Variants in MED24 observed in about 807,000 individuals in gnomAD.
MED24 encodes the protein mediator of RNA polymerase II transcription subunit 24.
A neutral mutation model predicts 118.8 loss-of-function variants in MED24; 74 were observed. The observed-to-expected ratio is 0.62, with a 90% CI of 0.52 to 0.76. MED24 has a LOEUF of 0.76. Ranked by LOEUF, MED24 falls within the 30% of genes least tolerant of loss-of-function variation. The pLI, the probability that MED24 is intolerant of heterozygous loss-of-function variation, is 0.00. For synonymous variants in MED24, 521 were observed against 523.9 expected (o/e 0.99, Z 0.08); for missense variants, 1,041 against 1,278.9 (o/e 0.81, Z 2.84).
At chr17:40,035,834 A>G in intron 4 of MED24, 39 bp from the exon 5 acceptor site, 1 of 1,577,368 alleles carries the variant, frequency 6.3e-7, no homozygotes, top group African/African-American at 1.3e-5. Context: ...GAATGCCTCC[A>G]TCCACCCCCA....
intron 22 of MED24, 53 bp from the exon 23 acceptor site, chr17:40,022,107 C>A (rs2144858934): frequency 7.2e-7 from 1 of 1,388,130 alleles, no homozygotes; most frequent in Non-Finnish European, 9.9e-7. Flanking sequence ...CAGTTTCCAG[C>A]TGTCAGGGAA....
intron 4 of MED24, 130 bp from the exon 5 acceptor site, chr17:40,035,925 A>C (rs1181204532): frequency 1.8e-6 from 2 of 1,083,768 alleles, no homozygotes; most frequent in East Asian, 5.0e-5. Context: ...CAGCATCCTC[A>C]ACACTGGACA....
chr17:40,028,905 A>C lies in MED24; in HGVS notation c.1330T>G (p.Ser444Ala). 6.2e-7 allele frequency: 1 copy of C among 1,614,162 alleles called. No homozygotes were observed. Among genetic ancestry groups the C allele is most frequent in the African/African-American group, 1.3e-5 (1 of 75,032 alleles). The change falls in exon 14 of 26, where the codon TCC (serine) becomes GCC (alanine). Residue 444 changes from serine (S) to alanine (A), a missense_variant. Ser to Ala is a moderately conservative substitution (Grantham distance 99, BLOSUM62 1). Around this residue, in one of 3 missense-constraint regions of MED24, gnomAD observed 20 missense variants for 69.6 expected, o/e 0.29. Transcript: ENST00000394128. ...AGCAGCAAGTCCAGACTCTTCCCGG[A>C]CAGCATGTGGCCCAGGACTCCCAGC... ...GLLGVLGHML[S>A]GKSLDLLLAA...
In MED24 at chr17:40,023,143, G is replaced by A. The variant is rs555777998; in HGVS notation, c.2238C>T (p.Asn746=). Reference sequence around the variant, plus strand: ...CCAGCCCAAGTACCTTAATCAGGTTGTTGCAGAACCAGTAGACGCCGCCCA... The same window carrying A: ...CCAGCCCAAGTACCTTAATCAGGTTATTGCAGAACCAGTAGACGCCGCCCA... The part of the protein sequence containing the change: ...LHMGGVYWFC[N]NLIKELLKET... Residue 746 remains asparagine (N), a synonymous_variant, in exon 20 of 26, where the codon AAC becomes AAT. Coordinates refer to ENST00000394128, the MANE Select transcript of MED24 (RefSeq NM_014815.4). 9.9e-6 allele frequency: 16 copies of A among 1,613,828 alleles called. No homozygotes were observed. In the South Asian group the frequency reaches 1.8e-4, roughly 18 times the overall value.
intron 19 of MED24, among the ~76,000 whole-genome samples, chr17:40,023,892 G>A (rs2144867898): frequency 6.6e-6 from 1 of 152,306 alleles, no homozygotes; most frequent in East Asian, 1.9e-4. Flanking sequence ...GTATATCCAG[G>A]AATTTTCTCA....
chr17:40,019,209 C>CAT lies in MED24; in HGVS notation c.*319_*320insAT, dbSNP rs1555662018. ...ACACACACACACACACACACATACA[C>CAT]ACTTTGCATCTAGAAAGTTCCTCAG... On this transcript the variant is annotated 3_prime_UTR_variant, in exon 26 of 26. Coordinates refer to ENST00000394128, the MANE Select transcript of MED24 (RefSeq NM_014815.4). 127 of 354,498 alleles carry CAT rather than the reference C, an allele frequency of 3.6e-4. 1 individual carries two copies. Among genetic ancestry groups the CAT allele is most frequent in the Middle Eastern group, 8.0e-4 (1 of 1,246 alleles). The allele number at this position is 354,498 out of a possible 1,614,324, so 22.0% of individuals were successfully genotyped here.
chr17:40,034,867 C>A (rs1435805598), intron 6 of MED24: 12 of 254,704 alleles, frequency 4.7e-5, no homozygotes, highest in South Asian at 8.7e-5. Context: ...CACCCCCCAC[C>A]CCCAGCACCT....
At chr17:40,052,250 G>A (rs751636158) in intron 3 of MED24, among the ~76,000 whole-genome samples, 3 of 152,132 alleles carry the variant, frequency 2.0e-5, no homozygotes, top group African/African-American at 4.8e-5. Flanking sequence ...CCGAGGTCAC[G>A]CCACTGCACT....
chr17:40,049,733 T>C (rs934675956), intron 3 of MED24, among the ~76,000 whole-genome samples: 2 of 151,418 alleles, frequency 1.3e-5, no homozygotes, highest in African/African-American at 4.8e-5. Flanking sequence ...CACCATGTTG[T>C]CCAGGAGGGT....
chr17:40,051,384 G>C (rs934982320), intron 3 of MED24, among the ~76,000 whole-genome samples: 2 of 152,060 alleles, frequency 1.3e-5, no homozygotes, highest in Non-Finnish European at 2.9e-5. Flanking sequence ...GGGAGGCCGA[G>C]GCGGAAGGAT....
intron 3 of MED24, among the ~76,000 whole-genome samples, chr17:40,041,258 C>G (rs1984535160): frequency 6.6e-6 from 1 of 152,174 alleles, no homozygotes; most frequent in Non-Finnish European, 1.5e-5. Context: ...TTCCCTCACC[C>G]CTCAATCCTC....
rs1469522718 is a variant in MED24, at chr17:40,032,084, G to A, written c.943C>T (p.Gln315Ter). 1 of 1,613,596 alleles carries A rather than the reference G, an allele frequency of 6.2e-7. No individual in the cohort carries two copies. The highest frequency in any genetic ancestry group is 1.1e-5 in the South Asian group (1 of 91,032). The change falls in exon 10 of 26, where the codon CAG (glutamine) becomes TAG (stop). Residue 315 changes from glutamine to a stop codon, truncating the protein, a stop_gained. Coordinates refer to ENST00000394128, the MANE Select transcript of MED24 (RefSeq NM_014815.4). LOFTEE classifies it high-confidence loss of function. ...WTAFTFLKIPQVLVKLKKYSH... is the reference protein window; with the variant it reads ...WTAFTFLKIP ...TACTTCTTCAACTTCACCAAAACCT[G>A]TGGAATCTAGGGGGTGAGGCAGGGG... is the stretch of plus-strand genomic sequence containing the variant.
chr17:40,035,475 T>C, intron 5 of MED24, 126 bp from the exon 6 acceptor site: 1 of 1,103,214 alleles, frequency 9.1e-7, no homozygotes, highest in Non-Finnish European at 1.3e-6. Context: ...AGCAAAGTCC[T>C]GGGGAAGATG....
At chr17:40,051,500 G>C (rs993382021) in intron 3 of MED24, among the ~76,000 whole-genome samples, 4 of 152,138 alleles carry the variant, frequency 2.6e-5, no homozygotes, top group Admixed American at 6.5e-5. Flanking sequence ...TGTAGTCCCA[G>C]CTACTCAGGA....
chr17:40,042,611 G>A (rs754619573), intron 3 of MED24, among the ~76,000 whole-genome samples: 1 of 151,950 alleles, frequency 6.6e-6, no homozygotes, highest in Non-Finnish European at 1.5e-5. Context: ...CCCAGGAGGA[G>A]GAGGTTGCAC....
chr17:40,021,303 C>CTTG (rs1345938976), intron 23 of MED24: 1 of 152,334 alleles, frequency 6.6e-6, no homozygotes, highest in Non-Finnish European at 1.5e-5. Context: ...GGTCACAGCA[C>CTTG]TTGTAGCTGG....
chr17:40,021,462 A>C (rs925123094), intron 23 of MED24: 5 of 152,998 alleles, frequency 3.3e-5, no homozygotes, highest in Admixed American at 3.3e-4. Flanking sequence ...GGCAGGGAGG[A>C]GGGGACAGTG....
At chr17:40,020,158 G>T in intron 24 of MED24, 115 bp downstream of exon 24, 1 of 1,131,852 alleles carries the variant, frequency 8.8e-7, no homozygotes, top group Non-Finnish European at 1.3e-6. Flanking sequence ...GGCATGGAGA[G>T]GGAAGGGAGG....
intron 19 of MED24, among the ~76,000 whole-genome samples, chr17:40,025,889 T>C (rs932442487): frequency 3.9e-5 from 6 of 152,166 alleles, no homozygotes; most frequent in African/African-American, 1.4e-4. Context: ...GGGAGCTAGT[T>C]GTCTAGAACT....
Sources: gnomAD v4.1 joint callset for allele counts (sites outside exome capture counted in the v4.1 genomes callset) on GRCh38, gnomAD v4.1.1 for gene constraint, gnomAD v4.1.1 regional missense constraint, MANE v1.5 for transcripts, NCBI Gene and HGNC (gene_info 2026-07-23, HGNC 2026-07-21) for gene names.